Variants in ATRN observed in about 807,000 individuals in gnomAD.
ATRN encodes the protein attractin-2.
In ATRN, 54 loss-of-function variants were observed where a neutral mutation model predicts 178.7. The observed-to-expected ratio is 0.30, with a 90% CI of 0.24 to 0.38. The LOEUF (loss-of-function observed/expected upper bound fraction) is 0.38. ATRN is among the 10% of genes least tolerant of loss of function. The pLI is 1.00. For missense variants in ATRN, 1,443 were observed against 1,815.1 expected (o/e 0.79, Z 3.73); for synonymous variants, 636 against 663.0 (o/e 0.96, Z 0.63).
chr20:3,489,663 A>G, intron 1 of ATRN: 2 of 1,535,108 alleles, frequency 1.3e-6, no homozygotes. Context: ...TTTGGCCCAC[A>G]AGGAGACAGC....
intron 2 of ATRN, among the ~76,000 whole-genome samples, chr20:3,538,787 C>T (rs1301473353): frequency 6.6e-6 from 1 of 152,122 alleles, no homozygotes; most frequent in Admixed American, 6.5e-5. Context: ...TGAAATTGGC[C>T]TCCTGAGTTC....
At chr20:3,474,963 C>T (rs141077561) in intron 1 of ATRN, among the ~76,000 whole-genome samples, 7,361 of 142,326 alleles carry the variant, frequency 0.052, 560 homozygotes, top group African/African-American at 0.17. Flanking sequence ...ACCCGGGAAG[C>T]GGAGGTTGCA....
At chr20:3,580,561 A>G (rs2086268925) in intron 15 of ATRN, among the ~76,000 whole-genome samples, 3 of 152,316 alleles carry the variant, frequency 2.0e-5, no homozygotes, top group Middle Eastern at 6.8e-3. Flanking sequence ...GCTGGCTGGT[A>G]GAAAGCTGGA....
At chr20:3,483,420 C>T (rs959118680) in intron 1 of ATRN, among the ~76,000 whole-genome samples, 1 of 152,154 alleles carries the variant, frequency 6.6e-6, no homozygotes, top group Admixed American at 6.5e-5. Context: ...AATCACCGCT[C>T]ACTGCAGCCC....
rs112309523 is a variant in ATRN, at chr20:3,477,114, T to C, written c.410+5597T>C. On this transcript the variant is annotated intron_variant, in intron 1 of 28. Transcript: ENST00000262919. ...TGTAAGTTCCATGAGGGCAGGGGCCTGGAGCATAGTTCACAAGTCCAGTTT... is the reference window on the plus strand; with the variant it reads ...TGTAAGTTCCATGAGGGCAGGGGCCCGGAGCATAGTTCACAAGTCCAGTTT... Among the ~76,000 whole-genome samples the C allele has an allele frequency of 6.3e-4, 67 of 106,920 alleles. 1 individual carries two copies. The highest frequency in any genetic ancestry group is 2.0e-3 in the African/African-American group (42 of 21,378). 70.1% of individuals were successfully genotyped at this position (106,920 alleles called of 152,430 possible).
Position 3,597,834 on chromosome 20 carries a change from C to A in ATRN, c.3470-72C>A, listed in dbSNP as rs2086552186. 9.9e-6 allele frequency: 9 copies of A among 904,868 alleles called. No individual in the cohort carries two copies. In the East Asian group the frequency reaches 2.2e-4, roughly 22 times the overall value. 56.1% of individuals were successfully genotyped at this position (904,868 alleles called of 1,614,324 possible). A position where few individuals can be genotyped will look rare whatever the true frequency, so the allele number is the denominator to read the frequency against. ...GTTACTTAATTTATAAGAAAAGCAGCCTGTATCTCTAAAGACCTGTTCTAT... is the reference window on the plus strand; with the variant it reads ...GTTACTTAATTTATAAGAAAAGCAGACTGTATCTCTAAAGACCTGTTCTAT... On this transcript the variant is annotated intron_variant, in intron 21 of 28. Coordinates refer to ENST00000262919, the MANE Select transcript of ATRN (RefSeq NM_139321.3).
chr20:3,607,317 T>C (rs1314148313), intron 24 of ATRN, among the ~76,000 whole-genome samples: 1 of 152,210 alleles, frequency 6.6e-6, no homozygotes, highest in Non-Finnish European at 1.5e-5. Flanking sequence ...ATAATGACTA[T>C]TGTGCCATTG....
intron 3 of ATRN, among the ~76,000 whole-genome samples, chr20:3,545,115 C>A (rs1271486608): frequency 6.6e-6 from 1 of 151,552 alleles, no homozygotes; most frequent in East Asian, 1.9e-4. Flanking sequence ...GCCTGTAGTC[C>A]CTACATTTTG....
intron 6 of ATRN, among the ~76,000 whole-genome samples, chr20:3,555,250 G>A (rs894148558): frequency 3.3e-5 from 5 of 151,894 alleles, no homozygotes; most frequent in Admixed American, 1.3e-4. Context: ...TGATCCACCC[G>A]CCTCGGCCTC....
Position 3,562,430 on chromosome 20 carries a change from C to T in ATRN, c.1602C>T (p.Leu534=), listed in dbSNP as rs1328551586. The T allele has an allele frequency of 6.2e-7, 1 of 1,614,172 alleles. No individual in the cohort carries two copies. The highest frequency in any genetic ancestry group is 1.1e-5 in the South Asian group (1 of 91,072). ...ATAAGTACCGGCTTGCAGATGATCT[C>T]TACCGATATGATGTGGATACCCAGA... ...SANKYRLADD[L]YRYDVDTQMW... The change falls in exon 9 of 29, where the codon CTC becomes CTT. Residue 534 remains leucine (L), a synonymous_variant. Coordinates refer to ENST00000262919, the MANE Select transcript of ATRN (RefSeq NM_139321.3).
chr20:3,583,355 G>A (rs1236110323), intron 16 of ATRN, among the ~76,000 whole-genome samples: 1 of 152,174 alleles, frequency 6.6e-6, no homozygotes, highest in East Asian at 1.9e-4. Context: ...AAGATTCACT[G>A]TTTCCTCATC....
intron 24 of ATRN, among the ~76,000 whole-genome samples, chr20:3,614,969 C>A (rs1282276087): frequency 1.3e-5 from 2 of 152,160 alleles, no homozygotes; most frequent in Non-Finnish European, 2.9e-5. Flanking sequence ...GCTGAATAAT[C>A]TTCCTTATAT....
chr20:3,635,523 A>G (rs2087019175), intron 26 of ATRN, among the ~76,000 whole-genome samples: 1 of 152,178 alleles, frequency 6.6e-6, no homozygotes, highest in Non-Finnish European at 1.5e-5. Flanking sequence ...TTGCTAATGG[A>G]AATGCTCACG....
intron 1 of ATRN, among the ~76,000 whole-genome samples, chr20:3,501,012 A>T (rs866150934): frequency 6.4e-4 from 98 of 152,310 alleles, no homozygotes; most frequent in African/African-American, 2.1e-3. Context: ...TGACTTTGAA[A>T]CATAGTAATT....
rs139410834 is a variant in ATRN at position 3,579,442 on chromosome 20, C to T, written c.2544+670C>T. 6.0e-3 allele frequency among the ~76,000 whole-genome samples: 912 copies of T among 152,168 alleles called. 13 individuals are homozygous for T. The highest frequency in any genetic ancestry group is 0.02 in the African/African-American group (847 of 41,512). On this transcript the variant is annotated intron_variant, in intron 15 of 28. Coordinates refer to ENST00000262919, the MANE Select transcript of ATRN (RefSeq NM_139321.3). ...TGGAGGTGGCAGTGAGCTGAGATTG[C>T]GCCACCGCACTCCAGCCTGGGTGAC... is the stretch of plus-strand genomic sequence containing the variant.
chr20:3,505,388 G>C (rs571810568), intron 1 of ATRN, among the ~76,000 whole-genome samples: 2 of 152,174 alleles, frequency 1.3e-5, no homozygotes, highest in African/African-American at 4.8e-5. Context: ...TCAGGCTTTG[G>C]GCTTGTCCTG....
chr20:3,548,600 CAAAA>C (rs58357636), intron 5 of ATRN, among the ~76,000 whole-genome samples: 82,707 of 113,882 alleles, frequency 0.73, 28,185 homozygotes, highest in East Asian at 0.96. Context: ...GACTCCATCT[CAAAA>C]AAAAAAAAAA....
rs559381967 is a variant in ATRN, at chr20:3,561,027, A to G, written c.1447+122A>G. On this transcript the variant is annotated intron_variant, in intron 8 of 28. Transcript: ENST00000262919. ...GATTCGGTACTTTATCTTGAAACAT[A>G]GTAAACACTGGGCCCAGGCGTGGTG... 9.5e-5 allele frequency: 124 copies of G among 1,305,690 alleles called. No individual in the cohort carries two copies. The South Asian group carries it at 1.7e-3, about 18-fold the overall frequency. The allele number at this position is 1,305,690 out of a possible 1,614,324, so 80.9% of individuals were successfully genotyped here. A position where few individuals can be genotyped will look rare whatever the true frequency, so the allele number is the denominator to read the frequency against.
At chr20:3,568,087 A>C (rs2086063558) in intron 11 of ATRN, among the ~76,000 whole-genome samples, 1 of 149,948 alleles carries the variant, frequency 6.7e-6, no homozygotes, top group South Asian at 2.1e-4. Flanking sequence ...TCAGGAGATC[A>C]AGACTATCCT....
Sources: gnomAD v4.1 joint callset for allele counts (sites outside exome capture counted in the v4.1 genomes callset) on GRCh38, gnomAD v4.1.1 for gene constraint, MANE v1.5 for transcripts, NCBI Gene and HGNC (gene_info 2026-07-23, HGNC 2026-07-21) for gene names.